FAM81B: variants seen among roughly 807,000 people sequenced by gnomAD.
FAM81B encodes family with sequence similarity 81 member B.
A neutral mutation model predicts 58.7 loss-of-function variants in FAM81B; 60 were observed. The observed-to-expected ratio is 1.02, with a 90% confidence interval of 0.83 to 1.27. The LOEUF (loss-of-function observed/expected upper bound fraction) is 1.27, where lower values mean the gene tolerates loss of function less well. FAM81B is among the 50% of genes most tolerant of loss of function. The pLI, the probability that FAM81B is intolerant of heterozygous loss-of-function variation, is 0.00. For missense variants in FAM81B, 491 were observed against 522.0 expected (o/e 0.94, Z 0.58); for synonymous variants, 189 against 179.6 (o/e 1.05, Z -0.42).
At chr5:95,407,724 T>C (rs960084032) in intron 3 of FAM81B, among the ~76,000 whole-genome samples, 2 of 152,212 alleles carry the variant, frequency 1.3e-5, no homozygotes, top group African/African-American at 4.8e-5. Context: ...TCATTTCCAA[T>C]CTATCTCAAA....
At chr5:95,440,373 G>C in intron 7 of FAM81B, 1 of 721,588 alleles carries the variant, frequency 1.4e-6, no homozygotes, top group South Asian at 1.3e-5. Flanking sequence ...TGGTGTGAAG[G>C]CTAACCTGCT....
At chr5:95,419,598 TGGTACAAGA>T (rs1762625226) in intron 4 of FAM81B, among the ~76,000 whole-genome samples, 1 of 152,172 alleles carries the variant, frequency 6.6e-6, no homozygotes, top group South Asian at 2.1e-4. Flanking sequence ...ACTAGCCTGG[TGGTACAAGA>T]AAGTCAGTTC....
chr5:95,398,451 T>TAAATAAAAC (rs1554042469), intron 3 of FAM81B, among the ~76,000 whole-genome samples: 110 of 151,376 alleles, frequency 7.3e-4, no homozygotes, highest in African/African-American at 2.0e-3. Context: ...AATAAATAAA[T>TAAATAAAAC]AAAAAACTTC....
At chr5:95,450,019 G>A in intron 9 of FAM81B, 130 bp from the exon 10 acceptor site, 1 of 1,018,908 alleles carries the variant, frequency 9.8e-7, no homozygotes, top group South Asian at 1.9e-5. Flanking sequence ...TTTTAGGCTG[G>A]TCTTCATAGA....
intron 5 of FAM81B, chr5:95,424,030 T>A: frequency 7.8e-7 from 1 of 1,289,438 alleles, no homozygotes; most frequent in Non-Finnish European, 1.0e-6. Flanking sequence ...ACCGTGTTCT[T>A]TATCATTTCT....
chr5:95,440,309 TA>T, intron 7 of FAM81B: 3 of 988,428 alleles, frequency 3.0e-6, no homozygotes, highest in Non-Finnish European at 4.7e-6. Flanking sequence ...ACAATGCAAC[TA>T]AAAATGCAGA....
intron 5 of FAM81B, among the ~76,000 whole-genome samples, chr5:95,427,034 GCA>G: frequency 6.6e-6 from 1 of 151,452 alleles, no homozygotes; most frequent in African/African-American, 2.5e-5. Context: ...GGGCGATAGA[GCA>G]AGACTCCGTC....
At chr5:95,435,544 T>C (rs975714291) in intron 6 of FAM81B, among the ~76,000 whole-genome samples, 5 of 152,222 alleles carry the variant, frequency 3.3e-5, no homozygotes, top group African/African-American at 1.2e-4. Context: ...TCTTGTATCA[T>C]TATTTATATT....
At position 95,417,739 on chromosome 5, in the gene FAM81B, T is replaced by C. The variant is rs1011811955; in HGVS notation, c.538-2545T>C. Among the ~76,000 whole-genome samples the C allele has an allele frequency of 2.0e-5, 3 of 152,190 alleles. No individual in the cohort carries two copies. The South Asian group carries it at 6.2e-4, about 31-fold the overall frequency. On this transcript the variant is annotated intron_variant, in intron 4 of 9. Transcript: ENST00000283357. Reference sequence around the variant, plus strand: ...CCTATTTCTATGGTGTAAATACTCCTATGATTTCAAACAACCAGCAAGATG... The same window carrying C: ...CCTATTTCTATGGTGTAAATACTCCCATGATTTCAAACAACCAGCAAGATG...
rs777304233 is a variant in FAM81B at position 95,420,363 on chromosome 5, A to G, written c.617A>G (p.His206Arg). ...GCAGTACACGAGATAAACATCAAAC[A>G]CCTACAAGGAGTTGGAGATCTTCGA... ...NFAVHEINIKHLQGVGDLRGR... is the reference protein window; with the variant it reads ...NFAVHEINIKRLQGVGDLRGR... Residue 206 changes from histidine (H) to arginine (R), a missense_variant, in exon 5 of 10, where the codon CAC becomes CGC. His to Arg is a conservative substitution (Grantham distance 29, BLOSUM62 0). Coordinates refer to ENST00000283357, the MANE Select transcript of FAM81B (RefSeq NM_152548.3). The G allele has an allele frequency of 1.9e-6, 3 of 1,613,860 alleles. No individual in the cohort carries two copies. The highest frequency in any genetic ancestry group is 4.5e-5 in the East Asian group (2 of 44,874).
intron 6 of FAM81B, among the ~76,000 whole-genome samples, chr5:95,434,742 C>G (rs1055728233): frequency 5.9e-5 from 9 of 152,118 alleles, no homozygotes; most frequent in Non-Finnish European, 1.3e-4. Context: ...CTTATTCTTT[C>G]TTGTATAATT....
chr5:95,426,094 GTATATATA>G (rs57076025), intron 5 of FAM81B, among the ~76,000 whole-genome samples: 23 of 120,180 alleles, frequency 1.9e-4, no homozygotes, highest in African/African-American at 3.9e-4. Context: ...ATCTCTGTGT[GTATATATA>G]TATATATATA....
chr5:95,397,976 T>C (rs1227257982), intron 3 of FAM81B, among the ~76,000 whole-genome samples: 1 of 152,228 alleles, frequency 6.6e-6, no homozygotes, highest in Non-Finnish European at 1.5e-5. Context: ...AAAGTAATGG[T>C]AGAACAATTG....
At chr5:95,435,384 C>T (rs571779757) in intron 6 of FAM81B, among the ~76,000 whole-genome samples, 70 of 151,988 alleles carry the variant, frequency 4.6e-4, no homozygotes, top group African/African-American at 1.6e-3. Context: ...GCTTTTCCTG[C>T]TTTTTGGAAT....
At chr5:95,448,886 A>G in intron 9 of FAM81B, 1 of 351,472 alleles carries the variant, frequency 2.8e-6, no homozygotes, top group South Asian at 2.4e-5. Flanking sequence ...TGGAGACCTG[A>G]CCTTTAGAAG....
chr5:95,399,773 G>C (rs978750830), intron 3 of FAM81B, among the ~76,000 whole-genome samples: 1 of 152,182 alleles, frequency 6.6e-6, no homozygotes. Flanking sequence ...GGAGAGATGG[G>C]AGCCAGGCAG....
At chr5:95,409,470 T>G (rs1762351282) in intron 3 of FAM81B, among the ~76,000 whole-genome samples, 9 of 108,826 alleles carry the variant, frequency 8.3e-5, no homozygotes, top group Non-Finnish European at 1.5e-4. Context: ...GTCATCAGTT[T>G]TTAAAGAATT....
At chr5:95,432,154 T>C (rs2152767741) in intron 6 of FAM81B, among the ~76,000 whole-genome samples, 1 of 152,208 alleles carries the variant, frequency 6.6e-6, no homozygotes, top group African/African-American at 2.4e-5. Flanking sequence ...CAAATACCTT[T>C]TCAGCATTTA....
chr5:95,445,848 C>T (rs1745537031), intron 7 of FAM81B, among the ~76,000 whole-genome samples: 1 of 152,162 alleles, frequency 6.6e-6, no homozygotes, highest in Admixed American at 6.5e-5. Context: ...CCTTTCTCTC[C>T]TCTGCTAGAC....
Sources: gnomAD v4.1 joint callset for allele counts (sites outside exome capture counted in the v4.1 genomes callset) on GRCh38, gnomAD v4.1.1 for gene constraint, MANE v1.5 for transcripts, NCBI Gene and HGNC (gene_info 2026-07-23, HGNC 2026-07-21) for gene names.